The following RIT2 variants were observed in gnomAD, a reference collection of about 807,000 sequenced individuals.
RIT2 encodes Ras like without CAAX 2.
In RIT2, 24 loss-of-function variants were observed where a neutral mutation model predicts 23.7. The ratio of observed to expected loss-of-function variants is 1.01; its 90% CI spans 0.73 to 1.43. The LOEUF is 1.43. Among genes scored for constraint, RIT2 ranks in the 40% most tolerant of loss-of-function variants. The probability of loss-of-function intolerance (pLI) is 0.00; values close to 1 mark genes in which losing one functional copy is unlikely to be tolerated. For synonymous variants in RIT2, 107 were observed against 91.1 expected (o/e 1.17, Z -0.99); for missense variants, 236 against 266.9 (o/e 0.88, Z 0.81).
intron 3 of RIT2, among the ~76,000 whole-genome samples, chr18:42,924,264 T>G (rs1388263456): frequency 6.6e-6 from 1 of 152,126 alleles, no homozygotes; most frequent in Non-Finnish European, 1.5e-5. Context: ...CTCAAAAATA[T>G]GAAAATGAAT....
At chr18:42,880,147 T>C (rs191884742) in intron 4 of RIT2, among the ~76,000 whole-genome samples, 156 of 152,282 alleles carry the variant, frequency 1.0e-3, no homozygotes, top group African/African-American at 3.5e-3. Flanking sequence ...GGGATAATAG[T>C]ATAGTTGTGT....
At chr18:43,033,980 T>C (rs1911917321) in intron 1 of RIT2, 113 bp from the exon 2 acceptor site, 1 of 638,214 alleles carries the variant, frequency 1.6e-6, no homozygotes. Context: ...AAGTTAGTTA[T>C]GTGAGTGACT....
intron 4 of RIT2, among the ~76,000 whole-genome samples, chr18:42,748,143 G>A (rs1912962135): frequency 6.6e-6 from 1 of 151,780 alleles, no homozygotes; most frequent in Admixed American, 6.6e-5. Flanking sequence ...CCCATAGAGT[G>A]GAAGAAAACC....
chr18:42,882,216 A>G (rs1399958393), intron 4 of RIT2, among the ~76,000 whole-genome samples: 1 of 152,222 alleles, frequency 6.6e-6, no homozygotes, highest in Non-Finnish European at 1.5e-5. Context: ...AGCACTGAAG[A>G]TATCAAATTA....
chr18:42,792,586 A>G (rs1320845904), intron 4 of RIT2, among the ~76,000 whole-genome samples: 1 of 152,184 alleles, frequency 6.6e-6, no homozygotes, highest in East Asian at 1.9e-4. Context: ...TTTAATCCAC[A>G]GACAATTCAA....
chr18:42,909,877 C>T (rs1908721883), intron 4 of RIT2, among the ~76,000 whole-genome samples: 2 of 151,972 alleles, frequency 1.3e-5, no homozygotes, highest in Admixed American at 1.3e-4. Flanking sequence ...TAAGACCATC[C>T]TTCATTTCAT....
intron 3 of RIT2, among the ~76,000 whole-genome samples, chr18:42,941,355 C>G (rs912546928): frequency 1.3e-5 from 2 of 151,998 alleles, no homozygotes; most frequent in African/African-American, 2.4e-5. Flanking sequence ...GACCGCCCCC[C>G]ACCCCTCTCC....
At chr18:43,061,250 A>T (rs1482349151) in intron 1 of RIT2, among the ~76,000 whole-genome samples, 1 of 152,142 alleles carries the variant, frequency 6.6e-6, no homozygotes, top group African/African-American at 2.4e-5. Context: ...CATTGATTTT[A>T]CAATTATTTT....
At chr18:43,088,551 G>T (rs1913341854) in intron 1 of RIT2, among the ~76,000 whole-genome samples, 1 of 152,144 alleles carries the variant, frequency 6.6e-6, no homozygotes, top group African/African-American at 2.4e-5. Context: ...AATATACAAA[G>T]TTGTAGCACA....
Position 42,743,290 on chromosome 18 carries a change from CTGAT to C in RIT2, c.*199_*202del. Reference sequence around the variant, plus strand: ...TGTAAAAACTAAACAGCATATCCAGCTGATTGACAAAATCCATCCAACTGTTAAA... The same window carrying C: ...TGTAAAAACTAAACAGCATATCCAGCTGACAAAATCCATCCAACTGTTAAA... On this transcript the variant is annotated 3_prime_UTR_variant, in exon 5 of 5. Transcript: ENST00000326695. 1 of 584,076 alleles carries C rather than the reference CTGAT, an allele frequency of 1.7e-6. No homozygotes were observed. Among genetic ancestry groups the C allele is most frequent in the Non-Finnish European group, 3.0e-6 (1 of 329,682 alleles). The allele number at this position is 584,076 out of a possible 1,614,324, so 36.2% of individuals were successfully genotyped here.
intron 1 of RIT2, among the ~76,000 whole-genome samples, chr18:43,046,744 C>G (rs1347722699): frequency 6.6e-6 from 1 of 152,112 alleles, no homozygotes; most frequent in Non-Finnish European, 1.5e-5. Context: ...TGTATAAAAC[C>G]AGCTTTCCTT....
intron 2 of RIT2, among the ~76,000 whole-genome samples, chr18:42,987,847 A>G (rs897548503): frequency 6.6e-6 from 1 of 152,074 alleles, no homozygotes; most frequent in Admixed American, 6.6e-5. Flanking sequence ...GTGATGAGAG[A>G]GGGAGGAAGA....
chr18:42,769,203 G>A (rs1451715573), intron 4 of RIT2, among the ~76,000 whole-genome samples: 3 of 152,152 alleles, frequency 2.0e-5, no homozygotes, highest in African/African-American at 4.8e-5. Context: ...AATATCGTTA[G>A]GGGCTCTGAG....
chr18:42,891,860 T>A (rs1416999738), intron 4 of RIT2, among the ~76,000 whole-genome samples: 1 of 152,042 alleles, frequency 6.6e-6, no homozygotes, highest in African/African-American at 2.4e-5. Flanking sequence ...TGTACAACAA[T>A]AAGAGTGAAT....
chr18:43,105,120 G>C (rs1308604405), intron 1 of RIT2, among the ~76,000 whole-genome samples: 1 of 150,586 alleles, frequency 6.6e-6, no homozygotes, highest in Non-Finnish European at 1.5e-5. Flanking sequence ...GTGTGTGTGT[G>C]TGTGTGTGTG....
At chr18:42,780,571 T>A (rs1454289112) in intron 4 of RIT2, among the ~76,000 whole-genome samples, 1 of 152,132 alleles carries the variant, frequency 6.6e-6, no homozygotes, top group African/African-American at 2.4e-5. Context: ...TCAACATATG[T>A]CAAAGAAACA....
chr18:42,754,824 A>C (rs1913124207), intron 4 of RIT2, among the ~76,000 whole-genome samples: 1 of 152,240 alleles, frequency 6.6e-6, no homozygotes, highest in South Asian at 2.1e-4. Context: ...AGAGTCCATT[A>C]TAATGAGTTC....
At chr18:43,049,643 GAATT>G (rs955280781) in intron 1 of RIT2, among the ~76,000 whole-genome samples, 144 of 152,216 alleles carry the variant, frequency 9.5e-4, no homozygotes, top group African/African-American at 3.3e-3. Context: ...ACCTTGGGGA[GAATT>G]AATTATTTCT....
intron 4 of RIT2, among the ~76,000 whole-genome samples, chr18:42,871,504 A>G (rs2144064032): frequency 6.6e-6 from 1 of 152,354 alleles, no homozygotes; most frequent in Non-Finnish European, 1.5e-5. Flanking sequence ...GGTATAAAGT[A>G]ACAACTGGAC....
Sources: allele counts gnomAD v4.1 joint callset (sites outside exome capture counted in the v4.1 genomes callset), GRCh38; gene constraint gnomAD v4.1.1; transcripts MANE v1.5; gene names NCBI Gene and HGNC (gene_info 2026-07-23, HGNC 2026-07-21).